Variants in TENM1 observed in about 807,000 individuals in gnomAD.
TENM1 encodes the protein teneurin-1.
Under a neutral mutation model 174.8 loss-of-function variants are expected in TENM1, and 35 were observed. The ratio of observed to expected loss-of-function variants is 0.20; its 90% CI spans 0.15 to 0.27. The LOEUF (loss-of-function observed/expected upper bound fraction) is 0.27, where lower values mean the gene tolerates loss of function less well. TENM1 is among the 10% of genes least tolerant of loss of function. The probability of loss-of-function intolerance (pLI) is 1.00; values close to 1 mark genes in which losing one functional copy is unlikely to be tolerated. For missense variants in TENM1, 1,633 were observed against 2,130.1 expected (o/e 0.77, Z 4.59); for synonymous variants, 781 against 798.7 (o/e 0.98, Z 0.37).
intron 1 of TENM1, among the ~76,000 whole-genome samples, chrX:124,938,901 C>A (rs1208901981): frequency 9.0e-6 from 1 of 111,432 alleles, no homozygotes; most frequent in Non-Finnish European, 1.9e-5. Flanking sequence ...TATTTGAATG[C>A]CCATTCAGTC....
intron 10 of TENM1, among the ~76,000 whole-genome samples, chrX:124,643,632 G>A (rs1323540685): frequency 9.0e-6 from 1 of 111,483 alleles, no homozygotes; most frequent in East Asian, 2.8e-4. Flanking sequence ...TCAGAGGCCT[G>A]GTTCAGCCTG....
At position 124,949,954 on chromosome X, in the gene TENM1, T is replaced by A. The variant is rs940926029; in HGVS notation, c.217+13583A>T. Among the ~76,000 whole-genome samples the A allele has an allele frequency of 4.5e-5, 5 of 110,671 alleles. No individual in the cohort carries two copies. In the Admixed American group the frequency reaches 4.8e-4, roughly 11 times the overall value. ...GGAGTCTTAGTGCTGTAGTAAAGAATTTGGTTTGTAGAGCATAGGATAATG... is the reference window on the plus strand; with the variant it reads ...GGAGTCTTAGTGCTGTAGTAAAGAAATTGGTTTGTAGAGCATAGGATAATG... On this transcript the variant is annotated intron_variant, in intron 1 of 31. Transcript: ENST00000422452.
chrX:124,436,723 A>G (rs1420606879), intron 23 of TENM1, among the ~76,000 whole-genome samples: 1 of 109,522 alleles, frequency 9.1e-6, no homozygotes, highest in Admixed American at 9.8e-5. Context: ...ACTAGGTCCT[A>G]CCTCCATGGA....
intron 23 of TENM1, among the ~76,000 whole-genome samples, chrX:124,424,150 A>G (rs1277019013): frequency 4.4e-5 from 5 of 112,560 alleles, no homozygotes; most frequent in Non-Finnish European, 9.4e-5. Context: ...TGTTTAAGCC[A>G]TTCAGTCTAT....
chrX:124,659,768 T>A (rs1182760690), intron 6 of TENM1, among the ~76,000 whole-genome samples: 1 of 111,726 alleles, frequency 9.0e-6, no homozygotes, highest in South Asian at 3.8e-4. Context: ...AGTACTGGCA[T>A]TAGGATAGAT....
At chrX:124,769,232 T>G (rs2148619190) in intron 3 of TENM1, among the ~76,000 whole-genome samples, 1 of 111,871 alleles carries the variant, frequency 8.9e-6, no homozygotes, top group East Asian at 2.8e-4. Flanking sequence ...TATTATTCAT[T>G]TTCTAGAATT....
At chrX:124,440,706 T>C (rs760847077) in intron 23 of TENM1, among the ~76,000 whole-genome samples, 1 of 112,150 alleles carries the variant, frequency 8.9e-6, no homozygotes, top group Non-Finnish European at 1.9e-5. Flanking sequence ...CATTATTATG[T>C]AATTTTCAGC....
intron 11 of TENM1, among the ~76,000 whole-genome samples, chrX:124,620,352 C>T (rs997589190): frequency 9.1e-6 from 1 of 109,504 alleles, no homozygotes; most frequent in Non-Finnish European, 1.9e-5. Flanking sequence ...GTCCTTAATA[C>T]AAAAAAAGAG....
At chrX:124,946,505 GGATGAGAA>G (rs955052554) in intron 1 of TENM1, among the ~76,000 whole-genome samples, 1 of 111,218 alleles carries the variant, frequency 9.0e-6, no homozygotes, top group Non-Finnish European at 1.9e-5. Flanking sequence ...ATAGTTGGGA[GGATGAGAA>G]GGATCCAATA....
chrX:125,136,991 G>T, the TENM1 span, among the ~76,000 whole-genome samples: 2 of 111,127 alleles, frequency 1.8e-5, no homozygotes, highest in African/African-American at 6.5e-5. Flanking sequence ...TGTAGGGAAG[G>T]AATGTGGGCA....
the TENM1 span, among the ~76,000 whole-genome samples, chrX:125,179,998 CTA>C: frequency 9.9e-6 from 1 of 101,227 alleles, no homozygotes; most frequent in Non-Finnish European, 2.0e-5. Context: ...GGTGGGCCCT[CTA>C]TATCACAAAC....
intron 3 of TENM1, among the ~76,000 whole-genome samples, chrX:124,738,139 A>C (rs141520765): frequency 0.012 from 1,337 of 112,071 alleles, 21 homozygotes; most frequent in African/African-American, 0.041. Flanking sequence ...TCCACAGGAG[A>C]AACATAATAG....
chrX:124,502,750 T>C, intron 19 of TENM1, among the ~76,000 whole-genome samples: 1 of 112,172 alleles, frequency 8.9e-6, no homozygotes, highest in South Asian at 3.7e-4. Context: ...AATAGACTCA[T>C]TCACCTTCAG....
chrX:124,868,784 G>GA (rs2057054174), intron 3 of TENM1, among the ~76,000 whole-genome samples: 1 of 111,188 alleles, frequency 9.0e-6, no homozygotes, highest in Non-Finnish European at 1.9e-5. Flanking sequence ...AACTCTATAA[G>GA]AAAAAACCTA....
At chrX:125,157,618 C>T in the TENM1 span, among the ~76,000 whole-genome samples, 8 of 111,846 alleles carry the variant, frequency 7.2e-5, no homozygotes, top group Admixed American at 3.8e-4. Flanking sequence ...GTGGTGGGAA[C>T]GAACTAGCAT....
At chrX:124,505,034 A>T (rs2047415724) in intron 18 of TENM1, among the ~76,000 whole-genome samples, 1 of 111,507 alleles carries the variant, frequency 9.0e-6, no homozygotes, top group African/African-American at 3.3e-5. Flanking sequence ...TTTGTCCTCC[A>T]CTCTACCAAA....
At chrX:124,420,448 G>A in exon 25 of TENM1, 1 of 1,212,162 alleles carries the variant, frequency 8.2e-7, no homozygotes. Flanking sequence ...TAGTCAGCCA[G>A]TATACTTGTC....
intron 4 of TENM1, among the ~76,000 whole-genome samples, 186 bp downstream of exon 7, chrX:124,736,770 TG>T (rs2053680774): frequency 8.9e-6 from 1 of 112,034 alleles, no homozygotes; most frequent in African/African-American, 3.2e-5. Context: ...TGGATCTAGA[TG>T]TTTGTGTCTG....
chrX:124,874,415 A>G (rs1394486067), intron 3 of TENM1, among the ~76,000 whole-genome samples: 1 of 110,333 alleles, frequency 9.1e-6, no homozygotes, highest in Non-Finnish European at 1.9e-5. Flanking sequence ...ACTATGGCAT[A>G]TATCAATTTT....
Sources: gnomAD v4.1 joint callset for allele counts (sites outside exome capture counted in the v4.1 genomes callset) on GRCh38, gnomAD v4.1.1 for gene constraint, MANE v1.5 for transcripts, NCBI Gene and HGNC (gene_info 2026-07-23, HGNC 2026-07-21) for gene names.